The following HS6ST3 variants were observed in gnomAD, a reference collection of about 807,000 sequenced individuals.
The protein encoded by HS6ST3 is heparan-sulfate 6-O-sulfotransferase 3.
In HS6ST3, 12 loss-of-function variants were observed where a neutral mutation model predicts 36.7. The ratio of observed to expected loss-of-function variants is 0.33; its 90% CI spans 0.21 to 0.53. The LOEUF is 0.53. Among genes scored for constraint, HS6ST3 ranks in the 20% least tolerant of loss-of-function variants. The pLI is 0.95. For synonymous variants in HS6ST3, 240 were observed against 257.5 expected (o/e 0.93, Z 0.65); for missense variants, 584 against 640.9 (o/e 0.91, Z 0.96).
intron 1 of HS6ST3, among the ~76,000 whole-genome samples, chr13:96,310,669 C>T (rs192340234): frequency 0.011 from 1,594 of 148,654 alleles, 32 homozygotes; most frequent in African/African-American, 0.038. Flanking sequence ...CCCTCCCTGC[C>T]TATCTCCCTC....
At chr13:96,289,614 G>A (rs2139398149) in intron 1 of HS6ST3, among the ~76,000 whole-genome samples, 1 of 152,208 alleles carries the variant, frequency 6.6e-6, no homozygotes, top group East Asian at 1.9e-4. Context: ...AATTCAAGAG[G>A]AAGATTAATC....
chr13:96,548,591 T>C (rs1398656439), intron 1 of HS6ST3, among the ~76,000 whole-genome samples: 1 of 152,204 alleles, frequency 6.6e-6, no homozygotes, highest in Non-Finnish European at 1.5e-5. Flanking sequence ...TATCTATCTA[T>C]GTATCTGTCT....
intron 1 of HS6ST3, among the ~76,000 whole-genome samples, chr13:96,112,978 C>G (rs72638023): frequency 0.099 from 15,089 of 151,902 alleles, 890 homozygotes; most frequent in Middle Eastern, 0.19. Context: ...AGAGCAGGAG[C>G]AGATGTAGTG....
chr13:96,448,433 A>T (rs2055709968), intron 1 of HS6ST3, among the ~76,000 whole-genome samples: 1 of 152,148 alleles, frequency 6.6e-6, no homozygotes, highest in Non-Finnish European at 1.5e-5. Context: ...AACCAAATGC[A>T]CCGCATGCTC....
intron 1 of HS6ST3, among the ~76,000 whole-genome samples, chr13:96,614,034 C>T (rs1177788638): frequency 6.6e-6 from 1 of 152,010 alleles, no homozygotes; most frequent in Non-Finnish European, 1.5e-5. Context: ...CGCGGTGGCT[C>T]ACCCCTGTAA....
In HS6ST3 at chr13:96,160,021, A is replaced by G. The variant is rs892391100; in HGVS notation, c.707+68452A>G. Among the ~76,000 whole-genome samples the G allele has an allele frequency of 3.3e-5, 5 of 152,318 alleles. No individual in the cohort carries two copies. The South Asian group carries it at 1.0e-3, about 32-fold the overall frequency. On this transcript the variant is annotated intron_variant, in intron 1 of 1. Coordinates refer to ENST00000376705, the MANE Select transcript of HS6ST3 (RefSeq NM_153456.4). ...GTAACAATAGAATCTATTTTGTAAT[A>G]TTTTTATGAAGATGAAATGAGATAA... is the stretch of plus-strand genomic sequence containing the variant.
At chr13:96,726,024 G>A (rs978758475) in intron 1 of HS6ST3, among the ~76,000 whole-genome samples, 1 of 152,028 alleles carries the variant, frequency 6.6e-6, no homozygotes, top group Non-Finnish European at 1.5e-5. Context: ...TTTAGGTAGA[G>A]ACCGGGTTTC....
At chr13:96,260,819 T>C (rs1231229606) in intron 1 of HS6ST3, among the ~76,000 whole-genome samples, 2 of 152,044 alleles carry the variant, frequency 1.3e-5, no homozygotes, top group Admixed American at 6.5e-5. Flanking sequence ...TTTGTATTTT[T>C]AGTAAAAATG....
intron 1 of HS6ST3, among the ~76,000 whole-genome samples, chr13:96,806,822 AT>A (rs1878206382): frequency 6.6e-6 from 1 of 152,182 alleles, no homozygotes; most frequent in Admixed American, 6.5e-5. Flanking sequence ...ATATTCTCAG[AT>A]TTTGACAGAT....
chr13:96,832,673 G>T lies in HS6ST3; in HGVS notation c.891G>T (p.Glu297Asp). 1 of 1,614,102 alleles carries T rather than the reference G, an allele frequency of 6.2e-7. No homozygotes were observed. The highest frequency in any genetic ancestry group is 8.5e-7 in the Non-Finnish European group (1 of 1,179,966). The change falls in exon 2 of 2, where the codon GAG becomes GAT. Residue 297 changes from glutamate to aspartate, a missense_variant. By Grantham distance (45) the Glu-to-Asp change is conservative. This residue lies in a region of HS6ST3 where 360 missense variants were observed against 411.3 expected (regional missense o/e 0.88). Coordinates refer to ENST00000376705, the MANE Select transcript of HS6ST3 (RefSeq NM_153456.4). ...ACTGGTCTGGGGTCAGCTTGCGGGA[G>T]TTTATGGATTGCACCTACAACCTGG... ...GDDWSGVSLR[E>D]FMDCTYNLAN...
intron 1 of HS6ST3, among the ~76,000 whole-genome samples, chr13:96,430,257 C>T (rs983810577): frequency 6.6e-6 from 1 of 152,156 alleles, no homozygotes; most frequent in Non-Finnish European, 1.5e-5. Context: ...AGTGTAATGC[C>T]TACATCTCGT....
chr13:96,429,694 C>T (rs1594778365), intron 1 of HS6ST3, among the ~76,000 whole-genome samples: 1 of 152,248 alleles, frequency 6.6e-6, no homozygotes, highest in African/African-American at 2.4e-5. Flanking sequence ...TTTACATTTC[C>T]TAACACAAAG....
At chr13:96,371,272 C>T (rs1342440967) in intron 1 of HS6ST3, among the ~76,000 whole-genome samples, 1 of 152,110 alleles carries the variant, frequency 6.6e-6, no homozygotes, top group Non-Finnish European at 1.5e-5. Flanking sequence ...TCTTAATTTG[C>T]ATTTACCTGA....
chr13:96,383,897 C>G (rs1452942559), intron 1 of HS6ST3, among the ~76,000 whole-genome samples: 1 of 152,108 alleles, frequency 6.6e-6, no homozygotes. Context: ...ACAAATACAA[C>G]CTAAGAAAGC....
chr13:96,335,153 T>C (rs975561988), intron 1 of HS6ST3, among the ~76,000 whole-genome samples: 4 of 152,076 alleles, frequency 2.6e-5, no homozygotes, highest in Non-Finnish European at 5.9e-5. Flanking sequence ...GGAGGTGTCA[T>C]GTGTGCCATG....
At chr13:96,161,179 C>T (rs938097931) in intron 1 of HS6ST3, among the ~76,000 whole-genome samples, 2 of 152,028 alleles carry the variant, frequency 1.3e-5, no homozygotes, top group African/African-American at 4.8e-5. Context: ...ATAACTTTTG[C>T]CCTTAAGATG....
chr13:96,600,087 T>G (rs952636152), intron 1 of HS6ST3, among the ~76,000 whole-genome samples: 2 of 152,058 alleles, frequency 1.3e-5, no homozygotes, highest in African/African-American at 4.8e-5. Flanking sequence ...CATGCGCTGA[T>G]GAGAAGAATG....
intron 1 of HS6ST3, among the ~76,000 whole-genome samples, chr13:96,622,466 TATCACTTAGA>T (rs2056498563): frequency 6.6e-6 from 1 of 152,210 alleles, no homozygotes; most frequent in South Asian, 2.1e-4. Flanking sequence ...TTACTCTCCA[TATCACTTAGA>T]ACAGTTAGTT....
intron 1 of HS6ST3, among the ~76,000 whole-genome samples, chr13:96,411,606 T>C (rs1355134343): frequency 6.6e-6 from 1 of 152,150 alleles, no homozygotes; most frequent in African/African-American, 2.4e-5. Flanking sequence ...AATAGGCTTA[T>C]AGGATAGGGG....
Sources: allele counts gnomAD v4.1 joint callset (sites outside exome capture counted in the v4.1 genomes callset), GRCh38; gene constraint gnomAD v4.1.1; regional missense constraint gnomAD v4.1.1; transcripts MANE v1.5; gene names NCBI Gene and HGNC (gene_info 2026-07-23, HGNC 2026-07-21).